Variants in PCDHGB5 observed in about 807,000 individuals in gnomAD.
The protein encoded by PCDHGB5 is protocadherin gamma subfamily B, 5, also known as protocadherin gamma-B5.
Under a neutral mutation model 62.9 loss-of-function variants are expected in PCDHGB5, and 48 were observed. The ratio of observed to expected loss-of-function variants is 0.76; its 90% CI spans 0.61 to 0.97. The LOEUF (loss-of-function observed/expected upper bound fraction) is 0.97. Ranked by LOEUF, PCDHGB5 falls within the 50% of genes least tolerant of loss-of-function variation. PCDHGB5 has a pLI of 0.00. For synonymous variants in PCDHGB5, 474 were observed against 511.2 expected (o/e 0.93, Z 0.98); for missense variants, 1,118 against 1,198.6 (o/e 0.93, Z 0.99).
chr5:141,477,794 C>G lies in PCDHGB5; in HGVS notation c.2398-17013C>G, dbSNP rs148942362. The G allele has an allele frequency of 6.2e-7, 1 of 1,614,086 alleles. No individual in the cohort carries two copies. The highest frequency in any genetic ancestry group is 1.1e-5 in the South Asian group (1 of 91,082). On this transcript the variant is annotated intron_variant, in intron 1 of 3. Transcript: ENST00000617380. This position sits in a 1 kb window ranked among gnomAD's most constrained non-coding sequence, Gnocchi z 4.9. ...CAGCGTGAACATATTTGTCACTGAT[C>G]GCAATGACAATGCCCCCCAGGTCCT...
rs562156266 is a variant in PCDHGB5, at chr5:141,467,826, T to C, written c.2398-26981T>C. On this transcript the variant is annotated intron_variant, in intron 1 of 3. Transcript: ENST00000617380. ...GGCACATGCCACCACACCAGGCTGA[T>C]TTTTATATTTTTTTGTAGAATGAGA... Among the ~76,000 whole-genome samples, 96 of 151,894 alleles carry C rather than the reference T, an allele frequency of 6.3e-4. 3 individuals carry two copies. Among genetic ancestry groups the C allele is most frequent in the Admixed American group, 6.2e-3 (95 of 15,236 alleles).
chr5:141,433,283 T>A, intron 1 of PCDHGB5: 1 of 1,183,074 alleles, frequency 8.5e-7, no homozygotes, highest in Non-Finnish European at 1.2e-6. Flanking sequence ...AGCCTCAAAC[T>A]CCTAGGCTCA....
At chr5:141,506,930 T>C (rs2099857287) in intron 3 of PCDHGB5, among the ~76,000 whole-genome samples, 1 of 152,150 alleles carries the variant, frequency 6.6e-6, no homozygotes, top group African/African-American at 2.4e-5. Context: ...AAACAAACTT[T>C]AGGGGCCTCC....
intron 2 of PCDHGB5, among the ~76,000 whole-genome samples, chr5:141,498,009 C>T (rs1160103624): frequency 6.6e-6 from 1 of 152,146 alleles, no homozygotes; most frequent in African/African-American, 2.4e-5. Context: ...TTACAGTGCA[C>T]TGAAGGAGAC....
chr5:141,428,406 C>T (rs908202809), intron 1 of PCDHGB5: 1 of 473,274 alleles, frequency 2.1e-6, no homozygotes, highest in Non-Finnish European at 3.9e-6. Context: ...CCTGGGGTTG[C>T]TTTCACCCTG....
chr5:141,510,529 A>G (rs2099881539), intron 3 of PCDHGB5, among the ~76,000 whole-genome samples: 2 of 152,242 alleles, frequency 1.3e-5, no homozygotes, highest in Admixed American at 6.5e-5. Flanking sequence ...CCCTGAGAGA[A>G]ATACCAGCGA....
chr5:141,400,337 C>G lies in PCDHGB5; in HGVS notation c.2210C>G (p.Pro737Arg), dbSNP rs752660585. 7 of 1,614,080 alleles carry G rather than the reference C, an allele frequency of 4.3e-6. No homozygotes were observed. The highest frequency in any genetic ancestry group is 2.7e-5 in the African/African-American group (2 of 75,064). ...GTCAAGTCTGGACCTGTGGTTCCCC[C>G]CAACTACAGTCAGGGGACTTTGCCT... ...LCVKSGPVVP[P>R]NYSQGTLPYS... The change falls in exon 1 of 4, where the codon CCC becomes CGC. Residue 737 changes from proline (P) to arginine (R), a missense_variant. Physicochemically the swap from Pro to Arg is moderately radical, Grantham distance 103. This residue lies in a region of PCDHGB5 where 1,034 missense variants were observed against 1,029.1 expected (regional missense o/e 1.00). Coordinates refer to ENST00000617380, the MANE Select transcript of PCDHGB5 (RefSeq NM_018925.3).
At position 141,486,891 on chromosome 5, in the gene PCDHGB5, G is replaced by A. The variant is rs201201426; in HGVS notation, c.2398-7916G>A. 38 of 1,614,118 alleles carry A rather than the reference G, an allele frequency of 2.4e-5. No individual in the cohort carries two copies. The highest frequency in any genetic ancestry group is 3.1e-5 in the Non-Finnish European group (37 of 1,180,064). Reference sequence around the variant, plus strand: ...GTGCTCCGTCCTCGGGCCCGGCCTGGTTCCTTATGTCCCCAAGCACTGCCT... The same window carrying A: ...GTGCTCCGTCCTCGGGCCCGGCCTGATTCCTTATGTCCCCAAGCACTGCCT... On this transcript the variant is annotated intron_variant, in intron 1 of 3. Coordinates refer to ENST00000617380, the MANE Select transcript of PCDHGB5 (RefSeq NM_018925.3). This position sits in a 1 kb window ranked among gnomAD's most constrained non-coding sequence, Gnocchi z 5.0.
intron 1 of PCDHGB5, chr5:141,421,806 A>G: frequency 6.2e-7 from 1 of 1,613,842 alleles, no homozygotes; most frequent in Non-Finnish European, 8.5e-7. Context: ...CCAAGAATCC[A>G]GAGCTAGTAC....
chr5:141,415,492 A>G lies in PCDHGB5; in HGVS notation c.2397+14968A>G, dbSNP rs373866182. 4 of 1,614,154 alleles carry G rather than the reference A, an allele frequency of 2.5e-6. No individual in the cohort carries two copies. The African/African-American group carries it at 4.0e-5, about 16-fold the overall frequency. On this transcript the variant is annotated intron_variant, in intron 1 of 3. Transcript: ENST00000617380. Reference sequence around the variant, plus strand: ...CGCGGACTCGCGAAAGAGTCACCTGATCTTCCCCCAGCCCAATTATGCGGA... The same window carrying G: ...CGCGGACTCGCGAAAGAGTCACCTGGTCTTCCCCCAGCCCAATTATGCGGA...
At position 141,476,946 on chromosome 5, in the gene PCDHGB5, G is replaced by A; in HGVS notation, c.2398-17861G>A. ...ACGGATCTGGATGAAGGCCCCAACG[G>A]TGAAATTATTTACTCCTTCGGCAGC... On this transcript the variant is annotated intron_variant, in intron 1 of 3. Transcript: ENST00000617380. The surrounding 1 kb of genome is among the most constrained non-coding windows in gnomAD (Gnocchi z 7.6). The A allele has an allele frequency of 6.2e-7, 1 of 1,614,206 alleles. No individual in the cohort carries two copies. Among genetic ancestry groups the A allele is most frequent in the Non-Finnish European group, 8.5e-7 (1 of 1,180,044 alleles).
intron 1 of PCDHGB5, among the ~76,000 whole-genome samples, chr5:141,467,931 T>C (rs771009105): frequency 1.3e-5 from 2 of 151,966 alleles, no homozygotes; most frequent in Non-Finnish European, 2.9e-5. Flanking sequence ...AATGCTAGGA[T>C]TACAAGCATG....
intron 1 of PCDHGB5, among the ~76,000 whole-genome samples, chr5:141,461,604 T>G (rs1166575574): frequency 6.6e-6 from 1 of 152,228 alleles, no homozygotes; most frequent in Non-Finnish European, 1.5e-5. Context: ...TATAATTTAG[T>G]TCAAAGTATT....
Position 141,489,492 on chromosome 5 carries a change from G to T in PCDHGB5, c.2398-5315G>T, listed in dbSNP as rs1258376136. On this transcript the variant is annotated intron_variant, in intron 1 of 3. Coordinates refer to ENST00000617380, the MANE Select transcript of PCDHGB5 (RefSeq NM_018925.3). The surrounding 1 kb of genome is among the most constrained non-coding windows in gnomAD (Gnocchi z 4.5). ...CCCTGAGCTTGATGAGTGGTGCCCT[G>T]GCAGTGAATCAAAAGATTGACCGAG... 1 of 1,614,042 alleles carries T rather than the reference G, an allele frequency of 6.2e-7. No individual in the cohort carries two copies. The highest frequency in any genetic ancestry group is 1.1e-5 in the South Asian group (1 of 91,078).
intron 1 of PCDHGB5, among the ~76,000 whole-genome samples, chr5:141,452,947 G>C (rs2098752833): frequency 6.6e-6 from 1 of 152,144 alleles, no homozygotes; most frequent in Non-Finnish European, 1.5e-5. Flanking sequence ...GCTTGCAATT[G>C]GTTGTCTTTA....
chr5:141,494,153 G>T (rs2099752286), intron 1 of PCDHGB5, among the ~76,000 whole-genome samples: 1 of 152,186 alleles, frequency 6.6e-6, no homozygotes, highest in Non-Finnish European at 1.5e-5. Flanking sequence ...CCATTGTCTG[G>T]CACGGAGTTC....
At chr5:141,488,236 T>G (rs1333427955) in intron 1 of PCDHGB5, among the ~76,000 whole-genome samples, 2 of 152,154 alleles carry the variant, frequency 1.3e-5, no homozygotes, top group Non-Finnish European at 2.9e-5. Context: ...TTGAACTAGA[T>G]GCGGTAAATT....
intron 2 of PCDHGB5, among the ~76,000 whole-genome samples, chr5:141,504,479 G>T (rs1270717855): frequency 6.6e-6 from 1 of 152,100 alleles, no homozygotes; most frequent in African/African-American, 2.4e-5. Context: ...TGGGAGTACA[G>T]TGGAGGCACC....
intron 1 of PCDHGB5, chr5:141,441,955 A>G: frequency 3.1e-6 from 1 of 320,028 alleles, no homozygotes; most frequent in Non-Finnish European, 6.0e-6. Context: ...GCAGGCCAGC[A>G]AGCCCAGGCT....
Sources: gnomAD v4.1 joint callset for allele counts (sites outside exome capture counted in the v4.1 genomes callset) on GRCh38, gnomAD v4.1.1 for gene constraint, gnomAD v4.1.1 regional missense constraint, Gnocchi (gnomAD v3.1) non-coding constraint, MANE v1.5 for transcripts, NCBI Gene and HGNC (gene_info 2026-07-23, HGNC 2026-07-21) for gene names.